The following TUB variants were observed in gnomAD, a reference collection of about 807,000 sequenced individuals.
The protein encoded by TUB is tubby protein homolog.
A neutral mutation model predicts 59.7 loss-of-function variants in TUB; 33 were observed. The ratio of observed to expected loss-of-function variants is 0.55; its 90% CI spans 0.42 to 0.74. The LOEUF is 0.74. Ranked by LOEUF, TUB falls within the 30% of genes least tolerant of loss-of-function variation. The probability of loss-of-function intolerance (pLI) is 0.00; values close to 1 mark genes in which losing one functional copy is unlikely to be tolerated. For synonymous variants in TUB, 293 were observed against 256.4 expected (o/e 1.14, Z -1.36); for missense variants, 659 against 672.0 (o/e 0.98, Z 0.21).
chr11:8,037,280 T>C (rs1358362809), upstream of TUB, among the ~76,000 whole-genome samples: 3 of 152,236 alleles, frequency 2.0e-5, no homozygotes. Context: ...AGCCTTGGCT[T>C]TGACCTTTCC....
intron 2 of TUB, among the ~76,000 whole-genome samples, chr11:8,070,505 G>A (rs1267504064): frequency 2.6e-5 from 4 of 151,980 alleles, no homozygotes; most frequent in African/African-American, 7.2e-5. Context: ...CTGATTCTGG[G>A]GGTTTTCTTG....
chr11:8,079,848 C>T (rs750270095), upstream of TUB, among the ~76,000 whole-genome samples: 9 of 152,114 alleles, frequency 5.9e-5, no homozygotes, highest in Non-Finnish European at 1.0e-4. Flanking sequence ...AAGATCCTTG[C>T]CTTCTCTGTG....
chr11:8,097,501 A>G, intron 7 of TUB, 76 bp downstream of exon 7: 1 of 1,592,074 alleles, frequency 6.3e-7, no homozygotes, highest in Non-Finnish European at 8.6e-7. Context: ...TGTGACTGGA[A>G]GTCTCATATC....
intron 2 of TUB, among the ~76,000 whole-genome samples, chr11:8,073,889 GGT>G (rs1943400645): frequency 2.9e-5 from 1 of 34,586 alleles, no homozygotes; most frequent in Non-Finnish European, 8.1e-5. Flanking sequence ...CCTCAGAATA[GGT>G]AAAGAGCAGG....
intron 1 of TUB, among the ~76,000 whole-genome samples, chr11:8,033,062 A>AC (rs1942598578): frequency 1.3e-5 from 2 of 152,272 alleles, no homozygotes; most frequent in African/African-American, 2.4e-5. Flanking sequence ...CCTGCCGAAC[A>AC]GATAATTAGA....
In TUB at chr11:8,056,901, G is replaced by A. The variant is rs538562108; in HGVS notation, c.203+17209G>A. Among the ~76,000 whole-genome samples, 9 of 152,270 alleles carry A rather than the reference G, an allele frequency of 5.9e-5. No homozygotes were observed. The South Asian group carries it at 1.9e-3, about 32-fold the overall frequency. Reference sequence around the variant, plus strand: ...GAACTACAGTATGTAGGCCAAGTGTGTGGGGGAAGGGCAAGTGGGCGTTTC... The same window carrying A: ...GAACTACAGTATGTAGGCCAAGTGTATGGGGGAAGGGCAAGTGGGCGTTTC... On this transcript the variant is annotated intron_variant, in intron 2 of 12. Coordinates refer to the TUB transcript ENST00000305253.
At chr11:8,062,804 GGAAACCA>G (rs1353202186) in intron 2 of TUB, among the ~76,000 whole-genome samples, 1 of 152,046 alleles carries the variant, frequency 6.6e-6, no homozygotes, top group Non-Finnish European at 1.5e-5. Flanking sequence ...AGCTGGGGGA[GGAAACCA>G]CTGCTCTTGG....
chr11:8,071,120 C>T (rs1011558331), intron 2 of TUB, among the ~76,000 whole-genome samples: 3 of 152,126 alleles, frequency 2.0e-5, no homozygotes, highest in African/African-American at 7.2e-5. Context: ...CTCATCACCT[C>T]GACTCTTTTT....
At position 8,090,182 on chromosome 11, in the gene TUB, C is replaced by G. The variant is rs779223226; in HGVS notation, c.204C>G (p.Ala68=). 1.9e-6 allele frequency: 3 copies of G among 1,613,762 alleles called. No homozygotes were observed. The highest frequency in any genetic ancestry group is 2.2e-5 in the South Asian group (2 of 91,082). Residue 68 remains alanine, a synonymous_variant, in exon 3 of 12, where the codon GCC becomes GCG. Coordinates refer to ENST00000299506, the MANE Select transcript of TUB (RefSeq NM_177972.3). ...GGGCCCGGCAGTCAGAGGAACAAGC[C>G]CCCCTGGTGGAGTCCTACCTCAGCA... ...SRRARQSEEQ[A]PLVESYLSSS... is the part of the protein sequence containing the mutation.
At chr11:8,101,029 C>A (rs370759566) in intron 11 of TUB, 32 bp downstream of exon 11, 1 of 1,612,510 alleles carries the variant, frequency 6.2e-7, no homozygotes, top group Non-Finnish European at 8.5e-7. Flanking sequence ...CATTATGGTC[C>A]GTAGGATACC....
In TUB at chr11:8,101,895, G is replaced by GC; in HGVS notation, c.*276_*277insC. On this transcript the variant is annotated 3_prime_UTR_variant, in exon 12 of 12. Coordinates refer to ENST00000299506, the MANE Select transcript of TUB (RefSeq NM_177972.3). ...ACACACTCCCACCCTTGGGGTAGTA[G>GC]TGTGTTGTAGTCGTACTTACCAAGC... 2.2e-6 allele frequency: 1 copy of GC among 455,132 alleles called. No individual in the cohort carries two copies. The highest frequency in any genetic ancestry group is 3.1e-5 in the South Asian group (1 of 31,988). 28.2% of individuals were successfully genotyped at this position (455,132 alleles called of 1,614,324 possible).
chr11:8,084,319 T>A (rs11821883), intron 1 of TUB, among the ~76,000 whole-genome samples: 8 of 152,220 alleles, frequency 5.3e-5, no homozygotes, highest in Non-Finnish European at 1.5e-5. Context: ...TCTCACATTC[T>A]GAGTTCAAAG....
chr11:8,100,616 C>G lies in TUB; in HGVS notation c.1215+15C>G, dbSNP rs759791140. 6.2e-6 allele frequency: 10 copies of G among 1,609,402 alleles called. No individual in the cohort carries two copies. The highest frequency in any genetic ancestry group is 1.7e-5 in the Admixed American group (1 of 59,926). ...GCCCCCGCAACGTGAGTGTCTACCC[C>G]TTCCTCCCCTCTTTCCCCATCATCC... On this transcript the variant is annotated intron_variant, in intron 10 of 11. Transcript: ENST00000299506.
chr11:8,082,334 AG>A (rs1234356435), intron 1 of TUB, among the ~76,000 whole-genome samples: 2 of 152,238 alleles, frequency 1.3e-5, no homozygotes, highest in African/African-American at 4.8e-5. Context: ...GTCTATCTCA[AG>A]GATGGCTGGG....
chr11:8,034,592 A>G (rs758559047), upstream of TUB, among the ~76,000 whole-genome samples: 11 of 152,228 alleles, frequency 7.2e-5, no homozygotes, highest in African/African-American at 2.4e-5. Context: ...ATTTCCATTC[A>G]AAACAGTAAT....
chr11:8,101,707 A>G lies in TUB; in HGVS notation c.*88A>G. On this transcript the variant is annotated 3_prime_UTR_variant, in exon 12 of 12. Transcript: ENST00000299506. ...AGACAGCCCTGCCTATCCTCTGTAT[A>G]TAGGCCTTCCGCCAGATGAAGCTTT... is the stretch of plus-strand genomic sequence containing the variant. 2 of 1,517,398 alleles carry G rather than the reference A, an allele frequency of 1.3e-6. No homozygotes were observed. The highest frequency in any genetic ancestry group is 1.8e-6 in the Non-Finnish European group (2 of 1,130,526). 94.0% of individuals were successfully genotyped at this position (1,517,398 alleles called of 1,614,324 possible).
chr11:8,037,582 C>T (rs140400034), upstream of TUB, among the ~76,000 whole-genome samples: 602 of 152,180 alleles, frequency 4.0e-3, 3 homozygotes, highest in African/African-American at 0.013. Flanking sequence ...AATTATTGTT[C>T]CAAGTTCTCA....
At chr11:8,080,982 A>G (rs555113465), upstream of TUB, among the ~76,000 whole-genome samples, 987 of 152,344 alleles carry the variant, frequency 6.5e-3, 6 homozygotes, top group Non-Finnish European at 9.4e-3. Context: ...CCCGTTTCAC[A>G]GAAGACGAAA....
intron 6 of TUB, 95 bp downstream of exon 6, chr11:8,096,901 A>C: frequency 7.0e-7 from 1 of 1,431,092 alleles, no homozygotes; most frequent in Non-Finnish European, 9.8e-7. Flanking sequence ...GTATGCCTTT[A>C]GGAGCTTCTC....
Sources: gnomAD v4.1 joint callset for allele counts (sites outside exome capture counted in the v4.1 genomes callset) on GRCh38, gnomAD v4.1.1 for gene constraint, MANE v1.5 for transcripts, NCBI Gene and HGNC (gene_info 2026-07-23, HGNC 2026-07-21) for gene names.